Variants in TP63 observed in about 807,000 individuals in gnomAD.
The protein encoded by TP63 is tumor protein 63.
Under a neutral mutation model 82.8 loss-of-function variants are expected in TP63, and 17 were observed. The observed-to-expected ratio is 0.21, with a 90% CI of 0.14 to 0.31. The LOEUF (loss-of-function observed/expected upper bound fraction) is 0.31. TP63 is among the 10% of genes least tolerant of loss of function. The pLI is 1.00. For synonymous variants in TP63, 330 were observed against 321.7 expected (o/e 1.03, Z -0.28); for missense variants, 648 against 895.3 (o/e 0.72, Z 3.52).
the TP63 span, among the ~76,000 whole-genome samples, chr3:189,612,193 T>A: frequency 6.6e-6 from 1 of 152,182 alleles, no homozygotes; most frequent in Non-Finnish European, 1.5e-5. Context: ...TGGGAAGTGC[T>A]GCTGATATAG....
chr3:189,640,003 T>C (rs1711682849), intron 1 of TP63, among the ~76,000 whole-genome samples: 1 of 152,120 alleles, frequency 6.6e-6, no homozygotes, highest in African/African-American at 2.4e-5. Flanking sequence ...AAATATTTTA[T>C]TTGAAATTCA....
At chr3:189,682,550 AAAAATATATATATATATATATATATAT>A (rs1413906464) in intron 1 of TP63, among the ~76,000 whole-genome samples, 39 of 45,220 alleles carry the variant, frequency 8.6e-4, no homozygotes, top group South Asian at 3.8e-3. Flanking sequence ...AAAAAAAAAA[AAAAATATATATATATATATATATATAT>A]ATATATATAT....
At chr3:189,788,084 G>GTTT (rs35421829) in intron 3 of TP63, among the ~76,000 whole-genome samples, 2 of 145,316 alleles carry the variant, frequency 1.4e-5, no homozygotes, top group African/African-American at 2.5e-5. Context: ...TTGTAAGTAG[G>GTTT]TTTTTTTTTT....
chr3:189,799,088 T>C (rs1726019294), intron 3 of TP63, among the ~76,000 whole-genome samples: 1 of 152,154 alleles, frequency 6.6e-6, no homozygotes, highest in Admixed American at 6.6e-5. Context: ...AGTACACTCC[T>C]TGTTTCAAGC....
At chr3:189,808,605 C>G (rs1727194119) in intron 4 of TP63, 79 bp downstream of exon 4, 9 of 1,603,238 alleles carry the variant, frequency 5.6e-6, no homozygotes, top group Non-Finnish European at 7.6e-6. Context: ...ATTTCTCCCC[C>G]TTCCCAGTTT....
chr3:189,699,121 T>G (rs1471788663), intron 1 of TP63, among the ~76,000 whole-genome samples: 2 of 152,138 alleles, frequency 1.3e-5, no homozygotes, highest in African/African-American at 4.8e-5. Context: ...AATTATTTCC[T>G]TCATACAATA....
chr3:189,863,936 C>T (rs1419181493), intron 4 of TP63, among the ~76,000 whole-genome samples: 1 of 152,116 alleles, frequency 6.6e-6, no homozygotes, highest in Non-Finnish European at 1.5e-5. Flanking sequence ...TCATTTAAAC[C>T]CCTCTGAGCC....
Position 189,897,052 on chromosome 3 carries a change from A to AT in TP63, c.*2555dup, listed in dbSNP as rs772929136. ...TGTTAAAGGGATATTTTTTTCTATTATTTTTATAATTGTACAAAATTAAGC... is the reference window on the plus strand; with the variant it reads ...TGTTAAAGGGATATTTTTTTCTATTATTTTTTATAATTGTACAAAATTAAGC... On this transcript the variant is annotated 3_prime_UTR_variant, in exon 14 of 14. Coordinates refer to ENST00000264731, the MANE Select transcript of TP63 (RefSeq NM_003722.5). 1.3e-3 allele frequency: 287 copies of AT among 224,530 alleles called. 1 individual carries two copies. Among genetic ancestry groups the AT allele is most frequent in the Non-Finnish European group, 2.0e-3 (226 of 112,798 alleles). 13.9% of individuals were successfully genotyped at this position (224,530 alleles called of 1,614,324 possible). A position where few individuals can be genotyped will look rare whatever the true frequency, so the allele number is the denominator to read the frequency against.
intron 3 of TP63, among the ~76,000 whole-genome samples, chr3:189,774,676 T>C (rs1183304995): frequency 1.3e-5 from 2 of 152,192 alleles, no homozygotes. Flanking sequence ...ATGTAGGTGT[T>C]GTTATCCCTA....
intron 4 of TP63, among the ~76,000 whole-genome samples, chr3:189,840,233 T>G (rs766012928): frequency 9.2e-5 from 14 of 151,914 alleles, no homozygotes; most frequent in Non-Finnish European, 1.8e-4. Flanking sequence ...GATCCTAACT[T>G]TTTTTTTCAT....
At position 189,864,452 on chromosome 3, in the gene TP63, T is replaced by G. The variant is rs17514215; in HGVS notation, c.766+34T>G. On this transcript the variant is annotated intron_variant, in intron 5 of 13. Transcript: ENST00000264731. The stretch of plus-strand genomic sequence containing the variant: ...AATTTGAATCTCTAACTGTTCAACC[T>G]CCTTGAAGGTCAAGATTCTGTGGGC... 0.15 allele frequency: 237,725 copies of G among 1,586,136 alleles called. 20,003 individuals carry two copies. The highest frequency in any genetic ancestry group is 0.17 in the Non-Finnish European group (203,318 of 1,164,680).
chr3:189,728,392 A>T (rs1719922683), intron 1 of TP63, among the ~76,000 whole-genome samples: 1 of 152,240 alleles, frequency 6.6e-6, no homozygotes, highest in Admixed American at 6.5e-5. Flanking sequence ...TAAGGACAAG[A>T]ATACTTAAAG....
intron 1 of TP63, among the ~76,000 whole-genome samples, chr3:189,637,719 T>G (rs1711502748): frequency 6.6e-6 from 1 of 152,120 alleles, no homozygotes; most frequent in Non-Finnish European, 1.5e-5. Flanking sequence ...TAGGCAGATA[T>G]GGTAGGCAGA....
chr3:189,658,950 TTAA>T (rs968628328), intron 1 of TP63, among the ~76,000 whole-genome samples: 8 of 152,206 alleles, frequency 5.3e-5, no homozygotes, highest in South Asian at 2.1e-4. Flanking sequence ...ATATATGATG[TTAA>T]TAATAGGGAA....
intron 1 of TP63, among the ~76,000 whole-genome samples, chr3:189,671,067 G>C (rs1714847711): frequency 6.6e-6 from 1 of 151,954 alleles, no homozygotes. Flanking sequence ...GCACAGCAAA[G>C]GAAACGATCA....
intron 1 of TP63, among the ~76,000 whole-genome samples, chr3:189,693,159 G>A (rs893022652): frequency 3.3e-5 from 5 of 152,102 alleles, no homozygotes; most frequent in Non-Finnish European, 7.4e-5. Context: ...AAATAGATAG[G>A]ATGACTGTTT....
At chr3:189,879,430 A>G (rs1055791991) in intron 10 of TP63, among the ~76,000 whole-genome samples, 4 of 152,220 alleles carry the variant, frequency 2.6e-5, no homozygotes, top group African/African-American at 7.2e-5. Context: ...TTTTTACTCA[A>G]AGGATTAAGG....
rs1330936376 is a variant in TP63 at position 189,738,655 on chromosome 3, G to C, written c.205G>C (p.Val69Leu). Residue 69 changes from valine to leucine, a missense_variant, in exon 3 of 14, where the codon GTT (valine) becomes CTT (leucine). Physicochemically the swap from Val to Leu is conservative, Grantham distance 32 (BLOSUM62 1). Around this residue, in one of 5 missense-constraint regions of TP63, gnomAD observed 182 missense variants for 213.6 expected, o/e 0.85. Transcript: ENST00000264731. ...WDFLEQPICS[V>L]QPIDLNFVDE... Reference sequence around the variant, plus strand: ...CCTATGTGTTAGGCCTATATGTTCAGTTCAGCCCATTGACTTGAACTTTGT... The same window carrying C: ...CCTATGTGTTAGGCCTATATGTTCACTTCAGCCCATTGACTTGAACTTTGT... The C allele has an allele frequency of 3.1e-6, 5 of 1,613,976 alleles. No homozygotes were observed. The highest frequency in any genetic ancestry group is 2.7e-5 in the African/African-American group (2 of 74,914).
intron 3 of TP63, among the ~76,000 whole-genome samples, chr3:189,749,495 A>G (rs1288436677): frequency 6.6e-6 from 1 of 152,214 alleles, no homozygotes; most frequent in African/African-American, 2.4e-5. Context: ...ATGAGATATC[A>G]TCTTATGCCA....
Sources: allele counts gnomAD v4.1 joint callset (sites outside exome capture counted in the v4.1 genomes callset), GRCh38; gene constraint gnomAD v4.1.1; regional missense constraint gnomAD v4.1.1; transcripts MANE v1.5; gene names NCBI Gene and HGNC (gene_info 2026-07-23, HGNC 2026-07-21).